The following MPRIP variants were observed in gnomAD, a reference collection of about 807,000 sequenced individuals.
MPRIP encodes the protein myosin phosphatase Rho interacting protein.
In MPRIP, 59 loss-of-function variants were observed where a neutral mutation model predicts 234.9. The ratio of observed to expected loss-of-function variants is 0.25; its 90% confidence interval spans 0.20 to 0.31. The LOEUF is 0.31. MPRIP is among the 10% of genes least tolerant of loss of function. The pLI is 1.00. For synonymous variants in MPRIP, 1,144 were observed against 1,263.9 expected (o/e 0.91, Z 2.01); for missense variants, 2,436 against 3,071.0 (o/e 0.79, Z 4.89).
chr17:17,068,967 A>G (rs552847860), intron 1 of MPRIP, among the ~76,000 whole-genome samples: 11 of 152,324 alleles, frequency 7.2e-5, no homozygotes, highest in East Asian at 3.9e-4. Context: ...TAATGTGAGC[A>G]TCATAGTTAC....
intron 3 of MPRIP, among the ~76,000 whole-genome samples, chr17:17,107,389 G>T (rs1374458282): frequency 1.3e-5 from 2 of 152,244 alleles, no homozygotes; most frequent in African/African-American, 4.8e-5. Context: ...GGGTAGATGT[G>T]GGGAGCAGGA....
chr17:17,096,885 G>A, intron 3 of MPRIP: 1 of 443,502 alleles, frequency 2.3e-6, no homozygotes, highest in Admixed American at 2.7e-5. Context: ...AAATAAATAT[G>A]AAAAAGCATC....
At chr17:17,172,870 C>T in intron 18 of MPRIP, 55 bp downstream of exon 18, 7 of 1,480,990 alleles carry the variant, frequency 4.7e-6, no homozygotes, top group Non-Finnish European at 6.5e-6. Context: ...GGGGTGCTGA[C>T]CAGGCCACAG....
intron 1 of MPRIP, among the ~76,000 whole-genome samples, chr17:17,065,620 T>C (rs2089001218): frequency 6.6e-6 from 1 of 152,150 alleles, no homozygotes; most frequent in African/African-American, 2.4e-5. Flanking sequence ...GATTATACCC[T>C]CTTTTTTTTT....
At chr17:17,142,804 C>G in intron 8 of MPRIP, 39 bp downstream of exon 8, 1 of 1,602,078 alleles carries the variant, frequency 6.2e-7, no homozygotes, top group Non-Finnish European at 8.5e-7. Context: ...AGGGGTGGCT[C>G]GGGGGCGGGT....
chr17:17,160,716 T>G (rs1024904264), intron 14 of MPRIP, among the ~76,000 whole-genome samples: 2 of 152,352 alleles, frequency 1.3e-5, no homozygotes, highest in East Asian at 3.9e-4. Flanking sequence ...GTGGTTTCAG[T>G]TGAGACCATA....
chr17:17,088,359 G>A (rs2089639484), intron 3 of MPRIP, among the ~76,000 whole-genome samples: 1 of 152,196 alleles, frequency 6.6e-6, no homozygotes, highest in African/African-American at 2.4e-5. Context: ...AACGTACTGG[G>A]CGTCTCCCTC....
chr17:17,158,978 G>A lies in MPRIP; in HGVS notation c.2376G>A (p.Glu792=), dbSNP rs1206837315. 6.2e-7 allele frequency: 1 copy of A among 1,612,500 alleles called. No individual in the cohort carries two copies. The highest frequency in any genetic ancestry group is 1.3e-5 in the African/African-American group (1 of 74,926). The change falls in exon 14 of 24, where the codon GAG becomes GAA. Residue 792 remains glutamate, a synonymous_variant. Coordinates refer to ENST00000651222, the MANE Select transcript of MPRIP (RefSeq NM_001364716.4). ...GGGGTGACCGGCTCTCCACACACGAGCTGACCTCTCTGCTCGAGAAGGAGG... is the reference window on the plus strand; with the variant it reads ...GGGGTGACCGGCTCTCCACACACGAACTGACCTCTCTGCTCGAGAAGGAGG... ...EDGGDRLSTH[E]LTSLLEKELE...
chr17:17,057,881 G>A, intron 1 of MPRIP: 2 of 579,610 alleles, frequency 3.5e-6, no homozygotes, highest in Non-Finnish European at 6.2e-6. Context: ...AATATTGGAT[G>A]TACACAAAAG....
At chr17:17,061,968 A>G (rs1409405438) in intron 1 of MPRIP, among the ~76,000 whole-genome samples, 1 of 151,236 alleles carries the variant, frequency 6.6e-6, no homozygotes, top group African/African-American at 2.4e-5. Flanking sequence ...GTCTGACATG[A>G]TCATTTTTTT....
chr17:17,078,190 G>C lies in MPRIP; in HGVS notation c.267+114G>C, dbSNP rs1176795390. On this transcript the variant is annotated intron_variant, in intron 3 of 23. Transcript: ENST00000651222. This position sits in a 1 kb window ranked among gnomAD's most constrained non-coding sequence, Gnocchi z 4.3. ...CAGCCATGTGCTCCTGCTTGTGTCT[G>C]TTTGGGAGTGTGGAATGTTTTGAAG... 1.8e-6 allele frequency: 2 copies of C among 1,104,124 alleles called. No homozygotes were observed. The highest frequency in any genetic ancestry group is 3.1e-5 in the African/African-American group (2 of 64,550). The allele number at this position is 1,104,124 out of a possible 1,614,324, so 68.4% of individuals were successfully genotyped here. A position where few individuals can be genotyped will look rare whatever the true frequency, so the allele number is the denominator to read the frequency against.
rs563261919 is a variant in MPRIP at position 17,054,765 on chromosome 17, T to G, written c.123+11794T>G. Among the ~76,000 whole-genome samples the G allele has an allele frequency of 4.6e-5, 7 of 151,780 alleles. No homozygotes were observed. The East Asian group carries it at 1.2e-3, about 25-fold the overall frequency. Reference sequence around the variant, plus strand: ...AGGACTGAACTGATTTTAAGAATTTTTAGGTCAGGTGCTGCGGCTCACACC... The same window carrying G: ...AGGACTGAACTGATTTTAAGAATTTGTAGGTCAGGTGCTGCGGCTCACACC... On this transcript the variant is annotated intron_variant, in intron 1 of 23. Coordinates refer to ENST00000651222, the MANE Select transcript of MPRIP (RefSeq NM_001364716.4).
chr17:17,131,890 G>A (rs796581239), intron 5 of MPRIP, among the ~76,000 whole-genome samples, 189 bp downstream of exon 5: 6 of 152,324 alleles, frequency 3.9e-5, no homozygotes, highest in African/African-American at 1.4e-4. Flanking sequence ...ACCACAACAG[G>A]GACAGGGTGG....
chr17:17,100,894 CA>C (rs1360423174), intron 3 of MPRIP, among the ~76,000 whole-genome samples: 29 of 152,254 alleles, frequency 1.9e-4, no homozygotes, highest in African/African-American at 5.8e-4. Flanking sequence ...TCCTTGGTAC[CA>C]AAAAGTTTGG....
chr17:17,172,284 A>G (rs1009328072), intron 17 of MPRIP, among the ~76,000 whole-genome samples: 6 of 152,340 alleles, frequency 3.9e-5, no homozygotes, highest in Non-Finnish European at 7.3e-5. Flanking sequence ...CTAAACAAGC[A>G]CGTCCCCTCC....
Position 17,166,122 on chromosome 17 carries a change from G to A in MPRIP, c.4531G>A (p.Ala1511Thr). The change falls in exon 16 of 24, where the codon GCA becomes ACA. Residue 1511 changes from alanine (A) to threonine (T), a missense_variant. Physicochemically the swap from Ala to Thr is moderately conservative, Grantham distance 58. This residue lies in a region of MPRIP where 1,998 missense variants were observed against 2,520.3 expected (regional missense o/e 0.79). Coordinates refer to ENST00000651222, the MANE Select transcript of MPRIP (RefSeq NM_001364716.4). This position sits in a 1 kb window ranked among gnomAD's most constrained non-coding sequence, Gnocchi z 4.4. ...RAASLASVES[A>T]LVSAIQALQH... Reference sequence around the variant, plus strand: ...AGCCTCCCTGGCCAGTGTGGAGAGTGCACTCGTCAGCGCCATCCAAGCCCT... The same window carrying A: ...AGCCTCCCTGGCCAGTGTGGAGAGTACACTCGTCAGCGCCATCCAAGCCCT... The A allele has an allele frequency of 7.7e-7, 1 of 1,300,098 alleles. No homozygotes were observed. The highest frequency in any genetic ancestry group is 1.0e-6 in the Non-Finnish European group (1 of 986,202). The allele number at this position is 1,300,098 out of a possible 1,614,324, so 80.5% of individuals were successfully genotyped here.
intron 3 of MPRIP, among the ~76,000 whole-genome samples, chr17:17,092,472 G>A (rs563067803): frequency 1.3e-5 from 2 of 152,244 alleles, no homozygotes; most frequent in East Asian, 3.9e-4. Flanking sequence ...CTAATCTTTA[G>A]CCCCTCCCTT....
At chr17:17,096,125 G>A (rs1324535793) in intron 3 of MPRIP, among the ~76,000 whole-genome samples, 1 of 152,112 alleles carries the variant, frequency 6.6e-6, no homozygotes, top group African/African-American at 2.4e-5. Context: ...GCAGCCTGTC[G>A]ACACGTGTTG....
Position 17,165,559 on chromosome 17 carries a change from G to T in MPRIP, c.3968G>T (p.Arg1323Leu), listed in dbSNP as rs771177913. The T allele has an allele frequency of 1.5e-6, 2 of 1,304,598 alleles. No individual in the cohort carries two copies. Among genetic ancestry groups the T allele is most frequent in the South Asian group, 2.5e-5 (2 of 81,032 alleles). The allele number at this position is 1,304,598 out of a possible 1,614,324, so 80.8% of individuals were successfully genotyped here. A position where few individuals can be genotyped will look rare whatever the true frequency, so the allele number is the denominator to read the frequency against. ...GAPGVKRQRI[R>L]FSTIQCQRYI... Reference sequence around the variant, plus strand: ...CCTGGTGTTAAAAGGCAAAGAATCCGGTTCTCCACAATCCAGTGCCAAAGA... The same window carrying T: ...CCTGGTGTTAAAAGGCAAAGAATCCTGTTCTCCACAATCCAGTGCCAAAGA... Residue 1323 changes from arginine (R) to leucine (L), a missense_variant, in exon 16 of 24, where the codon CGG becomes CTG. Coordinates refer to ENST00000651222, the MANE Select transcript of MPRIP (RefSeq NM_001364716.4).
Sources: gnomAD v4.1 joint callset for allele counts (sites outside exome capture counted in the v4.1 genomes callset) on GRCh38, gnomAD v4.1.1 for gene constraint, gnomAD v4.1.1 regional missense constraint, Gnocchi (gnomAD v3.1) non-coding constraint, MANE v1.5 for transcripts, NCBI Gene and HGNC (gene_info 2026-07-23, HGNC 2026-07-21) for gene names.